Variants in CTSB observed in about 807,000 individuals in gnomAD.
The protein encoded by CTSB is APP secretase.
CTSB carries 57 observed loss-of-function variants against 44.3 expected under a neutral mutation model. The observed-to-expected ratio is 1.29, with a 90% confidence interval of 1.04 to 1.60. The LOEUF (loss-of-function observed/expected upper bound fraction) is 1.60. Among genes scored for constraint, CTSB ranks in the 40% most tolerant of loss-of-function variants. The pLI, the probability that CTSB is intolerant of heterozygous loss-of-function variation, is 0.00. For synonymous variants in CTSB, 320 were observed against 168.0 expected (o/e 1.91, Z -7.00); for missense variants, 768 against 443.0 (o/e 1.73, Z -6.59).
At chr8:11,863,298 A>C (rs1456258114) in intron 1 of CTSB, among the ~76,000 whole-genome samples, 1 of 152,172 alleles carries the variant, frequency 6.6e-6, no homozygotes, top group African/African-American at 2.4e-5. Context: ...GTCTCTACTA[A>C]AAATACAAAA....
intron 1 of CTSB, among the ~76,000 whole-genome samples, chr8:11,854,490 C>CTT (rs749714527): frequency 7.9e-5 from 11 of 139,746 alleles, no homozygotes; most frequent in East Asian, 4.1e-4. Context: ...TGGAAAAAAG[C>CTT]TTTTTTTTTT....
rs1814127347 is a variant in CTSB, at chr8:11,849,438, T to G, written c.328-274A>C. The G allele has an allele frequency of 2.6e-5, 7 of 267,200 alleles. No homozygotes were observed. In the South Asian group the frequency reaches 3.3e-4, roughly 13 times the overall value. The allele number at this position is 267,200 out of a possible 1,614,324, so 16.6% of individuals were successfully genotyped here. A position where few individuals can be genotyped will look rare whatever the true frequency, so the allele number is the denominator to read the frequency against. ...TGGGATTAGAGGCGTGATGAGCCAC[T>G]TGCCCCACTCTCCTGCCTCAACGAT... is the stretch of plus-strand genomic sequence containing the variant. On this transcript the variant is annotated intron_variant, in intron 4 of 9. Coordinates refer to ENST00000353047, the MANE Select transcript of CTSB (RefSeq NM_001908.5).
At chr8:11,857,628 G>T (rs1402208157) in intron 1 of CTSB, among the ~76,000 whole-genome samples, 1 of 152,164 alleles carries the variant, frequency 6.6e-6, no homozygotes, top group African/African-American at 2.4e-5. Context: ...AACTCCTGGA[G>T]GACAACCTGC....
chr8:11,845,546 T>G, intron 9 of CTSB, 115 bp downstream of exon 9: 1 of 1,307,498 alleles, frequency 7.6e-7, no homozygotes, highest in South Asian at 1.5e-5. Flanking sequence ...GCTCACAGCC[T>G]GGCCGTAGGT....
At chr8:11,854,231 G>A (rs1262875853) in intron 1 of CTSB, among the ~76,000 whole-genome samples, 1 of 152,170 alleles carries the variant, frequency 6.6e-6, no homozygotes, top group Non-Finnish European at 1.5e-5. Flanking sequence ...GGGCTGGGGA[G>A]AGCCGCGGCG....
At position 11,863,319 on chromosome 8, in the gene CTSB, C is replaced by T. The variant is rs561038848; in HGVS notation, c.-26+4682G>A. 2.1e-4 allele frequency among the ~76,000 whole-genome samples: 32 copies of T among 152,018 alleles called. No individual in the cohort carries two copies. In the South Asian group the frequency reaches 3.1e-3, roughly 15 times the overall value. On this transcript the variant is annotated intron_variant, in intron 1 of 9. Transcript: ENST00000353047. ...ACTAAAAATACAAAAATTAGCTGGG[C>T]GTGGTGGCACACGCCTGTAATCCCA...
At chr8:11,866,578 C>T (rs552157694) in intron 1 of CTSB, among the ~76,000 whole-genome samples, 7 of 152,188 alleles carry the variant, frequency 4.6e-5, no homozygotes, top group Non-Finnish European at 1.0e-4. Flanking sequence ...AGCACCAGAG[C>T]CAACAAGAAA....
chr8:11,851,979 T>G (rs1814666659), intron 3 of CTSB, among the ~76,000 whole-genome samples: 1 of 152,204 alleles, frequency 6.6e-6, no homozygotes, highest in African/African-American at 2.4e-5. Context: ...ATCTGGCTTT[T>G]CTTAGATTTC....
intron 3 of CTSB, among the ~76,000 whole-genome samples, chr8:11,852,091 C>A (rs558831536): frequency 3.3e-5 from 5 of 152,042 alleles, no homozygotes; most frequent in Admixed American, 6.5e-5. Context: ...ATAGAAAACA[C>A]TGGGGGTGGC....
chr8:11,855,552 C>CA (rs1454749535), intron 1 of CTSB, among the ~76,000 whole-genome samples: 8 of 152,158 alleles, frequency 5.3e-5, no homozygotes, highest in Non-Finnish European at 7.3e-5. Context: ...TGACAGGAAA[C>CA]ACAGCCTTCA....
chr8:11,844,928 T>G lies in CTSB; in HGVS notation c.*197A>C. On this transcript the variant is annotated 3_prime_UTR_variant, in exon 10 of 10. Transcript: ENST00000353047. Reference sequence around the variant, plus strand: ...GACGCTCTGTGCTGGCAGCGGTGGCTCACATGGCCTGTCTGCACTGTAACC... The same window carrying G: ...GACGCTCTGTGCTGGCAGCGGTGGCGCACATGGCCTGTCTGCACTGTAACC... 1.7e-6 allele frequency: 1 copy of G among 583,212 alleles called. No homozygotes were observed. Among genetic ancestry groups the G allele is most frequent in the Non-Finnish European group, 3.1e-6 (1 of 326,306 alleles). The allele number at this position is 583,212 out of a possible 1,614,324, so 36.1% of individuals were successfully genotyped here.
chr8:11,864,054 G>T (rs945637515), intron 1 of CTSB, among the ~76,000 whole-genome samples: 1 of 152,098 alleles, frequency 6.6e-6, no homozygotes, highest in African/African-American at 2.4e-5. Flanking sequence ...AACACAAATG[G>T]ACTAGAACTG....
intron 1 of CTSB, among the ~76,000 whole-genome samples, chr8:11,855,911 G>C (rs1179051737): frequency 6.6e-6 from 1 of 152,072 alleles, no homozygotes; most frequent in Non-Finnish European, 1.5e-5. Flanking sequence ...GCAGCTACTT[G>C]GGAGGCTGAG....
intron 5 of CTSB, 197 bp from the exon 6 acceptor site, chr8:11,848,349 A>G (rs975450008): frequency 1.5e-6 from 1 of 683,650 alleles, no homozygotes; most frequent in Non-Finnish European, 2.7e-6. Context: ...AATAACCGCC[A>G]GCCCCACCCC....
rs1813001715 is a variant in CTSB, at chr8:11,845,058, T to C, written c.*67A>G. The C allele has an allele frequency of 1.8e-6, 2 of 1,089,122 alleles. No homozygotes were observed. Among genetic ancestry groups the C allele is most frequent in the Non-Finnish European group, 2.8e-6 (2 of 709,144 alleles). The allele number at this position is 1,089,122 out of a possible 1,614,324, so 67.5% of individuals were successfully genotyped here. A position where few individuals can be genotyped will look rare whatever the true frequency, so the allele number is the denominator to read the frequency against. ...TCTGAAACTTGTATCTTACGTGAAC[T>C]TAAAGAATAAAATGCATTTCTACCC... On this transcript the variant is annotated 3_prime_UTR_variant, in exon 10 of 10. Transcript: ENST00000353047.
intron 8 of CTSB, 36 bp downstream of exon 8, chr8:11,847,014 ACC>A: frequency 1.4e-6 from 1 of 711,160 alleles, no homozygotes; most frequent in South Asian, 1.4e-5. Flanking sequence ...TCCCCTCCCG[ACC>A]CCCACCCTCT....
chr8:11,853,719 G>A (rs1330977476), intron 1 of CTSB: 2 of 447,700 alleles, frequency 4.5e-6, no homozygotes, highest in East Asian at 3.7e-5. Flanking sequence ...CCAAGGGGCT[G>A]TGCTGGACGA....
intron 8 of CTSB, 48 bp downstream of exon 8, chr8:11,847,004 T>TCCCCCCCCCCCC: frequency 1.1e-6 from 1 of 904,646 alleles, no homozygotes; most frequent in Non-Finnish European, 1.9e-6. Flanking sequence ...GCACCCAGGC[T>TCCCCCCCCCCCC]CCCCTCCCGA....
At chr8:11,856,986 G>C (rs948565225) in intron 1 of CTSB, among the ~76,000 whole-genome samples, 1 of 152,150 alleles carries the variant, frequency 6.6e-6, no homozygotes, top group Non-Finnish European at 1.5e-5. Flanking sequence ...ATTCCTCAGA[G>C]CATTTCCAAT....
Sources: gnomAD v4.1 joint callset for allele counts (sites outside exome capture counted in the v4.1 genomes callset) on GRCh38, gnomAD v4.1.1 for gene constraint, MANE v1.5 for transcripts, NCBI Gene and HGNC (gene_info 2026-07-23, HGNC 2026-07-21) for gene names.